GLIS3: variants seen among roughly 807,000 people sequenced by gnomAD.
GLIS3 encodes the protein zinc finger protein GLIS3.
GLIS3 carries 53 observed loss-of-function variants against 78.6 expected under a neutral mutation model. That is an observed-to-expected ratio of 0.67 (90% CI 0.54 to 0.85). The LOEUF (loss-of-function observed/expected upper bound fraction) is 0.85. Ranked by LOEUF, GLIS3 falls within the 40% of genes least tolerant of loss-of-function variation. The pLI, the probability that GLIS3 is intolerant of heterozygous loss-of-function variation, is 0.00. For synonymous variants in GLIS3, 684 were observed against 509.9 expected (o/e 1.34, Z -4.60); for missense variants, 1,703 against 1,231.1 (o/e 1.38, Z -5.74).
chr9:3,962,080 T>C (rs904058815), intron 4 of GLIS3, among the ~76,000 whole-genome samples: 2 of 151,962 alleles, frequency 1.3e-5, no homozygotes, highest in Non-Finnish European at 2.9e-5. Flanking sequence ...ATTAGTCAAG[T>C]GTGGTGGTGC....
chr9:4,404,111 T>A, the GLIS3 span, among the ~76,000 whole-genome samples: 1 of 152,064 alleles, frequency 6.6e-6, no homozygotes, highest in African/African-American at 2.4e-5. Flanking sequence ...AGACAAAAAC[T>A]GTAAGAAGAG....
At chr9:4,130,437 A>G (rs954353190) in intron 2 of GLIS3, among the ~76,000 whole-genome samples, 2 of 152,214 alleles carry the variant, frequency 1.3e-5, no homozygotes, top group Non-Finnish European at 2.9e-5. Flanking sequence ...GAATGATTTT[A>G]TGGGCCAGGC....
intron 9 of GLIS3, among the ~76,000 whole-genome samples, chr9:3,852,097 A>T (rs1390003777): frequency 6.6e-6 from 1 of 152,090 alleles, no homozygotes; most frequent in African/African-American, 2.4e-5. Flanking sequence ...GTGAGCCAAG[A>T]ACGTGTCACG....
At chr9:4,110,925 C>G (rs937011148) in intron 4 of GLIS3, among the ~76,000 whole-genome samples, 5 of 152,200 alleles carry the variant, frequency 3.3e-5, no homozygotes, top group African/African-American at 1.2e-4. Flanking sequence ...GTCTTTCACT[C>G]TACACATTCA....
At chr9:4,446,703 A>C in the GLIS3 span, among the ~76,000 whole-genome samples, 1 of 149,836 alleles carries the variant, frequency 6.7e-6, no homozygotes, top group Non-Finnish European at 1.5e-5. Flanking sequence ...TAAGTAAAGA[A>C]GGGGTTTCAC....
the GLIS3 span, among the ~76,000 whole-genome samples, chr9:4,452,498 C>G: frequency 6.6e-6 from 1 of 152,170 alleles, no homozygotes; most frequent in Non-Finnish European, 1.5e-5. Context: ...ACTCAATGTG[C>G]AGAAATCACA....
intron 2 of GLIS3, among the ~76,000 whole-genome samples, chr9:4,126,973 G>T (rs989135509): frequency 2.0e-5 from 3 of 152,040 alleles, no homozygotes; most frequent in African/African-American, 7.2e-5. Flanking sequence ...TAGCTGTAGG[G>T]GTCATAATTT....
At chr9:4,267,652 C>G (rs1050788312) in intron 2 of GLIS3, among the ~76,000 whole-genome samples, 1 of 152,206 alleles carries the variant, frequency 6.6e-6, no homozygotes, top group Non-Finnish European at 1.5e-5. Context: ...GGTTTCCTCA[C>G]TAGCTCCCAG....
intron 8 of GLIS3, among the ~76,000 whole-genome samples, chr9:3,874,943 ACT>A (rs764497781): frequency 2.0e-4 from 30 of 152,196 alleles, no homozygotes; most frequent in Non-Finnish European, 4.0e-4. Flanking sequence ...GACAAAGCGC[ACT>A]GTTTGTGGCC....
intron 2 of GLIS3, among the ~76,000 whole-genome samples, chr9:4,225,441 C>G (rs1221601031): frequency 6.6e-6 from 1 of 152,138 alleles, no homozygotes; most frequent in African/African-American, 2.4e-5. Context: ...AATTTATTTC[C>G]TCCATTGGAA....
At chr9:4,215,413 C>T (rs1342501153) in intron 2 of GLIS3, among the ~76,000 whole-genome samples, 1 of 151,896 alleles carries the variant, frequency 6.6e-6, no homozygotes, top group Non-Finnish European at 1.5e-5. Flanking sequence ...AGAGGAAGTT[C>T]CCCTCTTTTT....
intron 4 of GLIS3, among the ~76,000 whole-genome samples, chr9:4,085,658 T>C (rs1287050329): frequency 2.6e-5 from 4 of 152,194 alleles, no homozygotes; most frequent in African/African-American, 9.6e-5. Context: ...GGGAGGTGAC[T>C]AGCTTTATCA....
At chr9:4,153,520 C>T (rs1304728234) in intron 2 of GLIS3, among the ~76,000 whole-genome samples, 7 of 152,152 alleles carry the variant, frequency 4.6e-5, no homozygotes, top group African/African-American at 1.4e-4. Context: ...GCTGAGATCA[C>T]ACCACTACAC....
upstream of GLIS3, among the ~76,000 whole-genome samples, chr9:4,349,390 T>C (rs570998201): frequency 9.2e-5 from 14 of 152,310 alleles, no homozygotes; most frequent in South Asian, 2.9e-3. Context: ...ATTTACTTAA[T>C]AATTAACTGG....
chr9:3,969,040 C>T (rs757313238), intron 4 of GLIS3, among the ~76,000 whole-genome samples: 2 of 152,200 alleles, frequency 1.3e-5, no homozygotes, highest in Non-Finnish European at 2.9e-5. Context: ...TTGTCAGGAC[C>T]AATGACTTGT....
intron 2 of GLIS3, among the ~76,000 whole-genome samples, chr9:4,205,644 T>A (rs1330417472): frequency 6.6e-6 from 1 of 152,150 alleles, no homozygotes; most frequent in African/African-American, 2.4e-5. Context: ...AGAATCCAGG[T>A]CCTTGGTGAA....
intron 2 of GLIS3, among the ~76,000 whole-genome samples, chr9:4,248,417 C>G (rs1424681402): frequency 2.0e-5 from 3 of 152,170 alleles, no homozygotes; most frequent in East Asian, 1.9e-4. Flanking sequence ...AGGACATGAA[C>G]TCAATTCTTT....
At chr9:4,083,746 A>G (rs1388591406) in intron 4 of GLIS3, among the ~76,000 whole-genome samples, 4 of 152,192 alleles carry the variant, frequency 2.6e-5, no homozygotes, top group African/African-American at 9.7e-5. Context: ...GAAAAAATCC[A>G]CTGCAGAAAG....
chr9:4,074,857 AT>A (rs1303492222), intron 4 of GLIS3, among the ~76,000 whole-genome samples: 1 of 152,188 alleles, frequency 6.6e-6, no homozygotes, highest in Non-Finnish European at 1.5e-5. Context: ...AAACTACAGA[AT>A]TTTAGAGCCT....
Sources: gnomAD v4.1 joint callset for allele counts (sites outside exome capture counted in the v4.1 genomes callset) on GRCh38, gnomAD v4.1.1 for gene constraint, MANE v1.5 for transcripts, NCBI Gene and HGNC (gene_info 2026-07-23, HGNC 2026-07-21) for gene names.